The following C5orf58 variants were observed in gnomAD, a reference collection of about 807,000 sequenced individuals.
The protein encoded by C5orf58 is putative uncharacterized protein C5orf58.
In C5orf58, 2 loss-of-function variants were observed where a neutral mutation model predicts 2.9. The ratio of observed to expected loss-of-function variants is 0.69; its 90% CI spans 0.28 to 2.18. The LOEUF (loss-of-function observed/expected upper bound fraction) is 2.18, where lower values mean the gene tolerates loss of function less well. Among genes scored for constraint, C5orf58 ranks in the 30% most tolerant of loss-of-function variants. C5orf58 has a pLI of 0.13. For synonymous variants in C5orf58, 37 were observed against 33.4 expected, an observed-to-expected ratio of 1.11 and a Z score of -0.37; for missense variants, 96 against 91.7, an observed-to-expected ratio of 1.05 and a Z score of -0.19.
Position 170,235,071 on chromosome 5 carries a change from G to GT in C5orf58, c.94+2dup. On this transcript the variant is annotated splice_donor_variant, in intron 3 of 3. Coordinates refer to ENST00000593851, the MANE Select transcript of C5orf58 (RefSeq NM_001102609.3). LOFTEE classifies it high-confidence loss of function. ...TCTTCGGAGTTGAAGAAGATAAAAG[G>GT]TAAGTATTGAATCACTAAAATGTTT... 1 of 1,375,514 alleles carries GT rather than the reference G, an allele frequency of 7.3e-7. No homozygotes were observed. The highest frequency in any genetic ancestry group is 1.0e-6 in the Non-Finnish European group (1 of 984,104). The allele number at this position is 1,375,514 out of a possible 1,614,324, so 85.2% of individuals were successfully genotyped here.
intron 3 of C5orf58, among the ~76,000 whole-genome samples, chr5:170,235,628 C>A (rs1760710725): frequency 6.6e-6 from 1 of 152,210 alleles, no homozygotes; most frequent in Non-Finnish European, 1.5e-5. Context: ...TGCTGGGGAA[C>A]TTCCTGTCTC....
chr5:170,235,072 TA>T lies in C5orf58; in HGVS notation c.94+4del. ...CTTCGGAGTTGAAGAAGATAAAAGG[TA>T]AGTATTGAATCACTAAAATGTTTGC... On this transcript the variant is annotated splice_donor_region_variant and intron_variant, in intron 3 of 3. Transcript: ENST00000593851. The T allele has an allele frequency of 7.3e-7, 1 of 1,367,394 alleles. No homozygotes were observed. Among genetic ancestry groups the T allele is most frequent in the Non-Finnish European group, 1.0e-6 (1 of 977,100 alleles). The allele number at this position is 1,367,394 out of a possible 1,614,324, so 84.7% of individuals were successfully genotyped here.
chr5:170,250,702 G>A (rs1389294128), downstream of C5orf58: 1 of 1,599,094 alleles, frequency 6.3e-7, no homozygotes, highest in South Asian at 1.1e-5. Context: ...AAAGACTTTG[G>A]GAAAATGTCG....
At chr5:170,247,516 A>G (rs1355934089), downstream of C5orf58, 2 of 152,274 alleles carry the variant, frequency 1.3e-5, no homozygotes, top group Non-Finnish European at 2.9e-5. Flanking sequence ...AAGTTGTGCA[A>G]TAACAACCAA....
At chr5:170,250,712 G>A (rs368014717), downstream of C5orf58, 103 of 1,608,490 alleles carry the variant, frequency 6.4e-5, no homozygotes, top group Middle Eastern at 1.6e-4. Flanking sequence ...GGAAAATGTC[G>A]AAATTTGAAA....
chr5:170,234,929 AC>A (rs1381210799), intron 2 of C5orf58, 47 bp from the exon 3 acceptor site: 1 of 753,242 alleles, frequency 1.3e-6, no homozygotes, highest in African/African-American at 1.8e-5. Context: ...TTAAAAGTAC[AC>A]ATAAATACTG....
chr5:170,240,819 C>T (rs1760971030), intron 3 of C5orf58, among the ~76,000 whole-genome samples: 1 of 151,524 alleles, frequency 6.6e-6, no homozygotes, highest in African/African-American at 2.4e-5. Flanking sequence ...GTTGCCATTG[C>T]TTTTGGTGTT....
exon 3 of C5orf58, chr5:170,251,686 T>A: frequency 2.2e-6 from 1 of 455,990 alleles, no homozygotes; most frequent in South Asian, 1.5e-5. Flanking sequence ...TAAACAAACA[T>A]ACTTCTGGAC....
downstream of C5orf58, among the ~76,000 whole-genome samples, chr5:170,249,357 C>G (rs1033255297): frequency 9.6e-6 from 1 of 104,558 alleles, no homozygotes. Context: ...TATGTGCATG[C>G]GTGTGTATAT....
downstream of C5orf58, chr5:170,248,450 G>A: frequency 8.2e-6 from 3 of 365,210 alleles, no homozygotes; most frequent in South Asian, 8.8e-5. Context: ...AATTATTACA[G>A]TGCACTACTA....
chr5:170,242,172 C>T (rs1306673398), intron 3 of C5orf58, among the ~76,000 whole-genome samples: 2 of 150,938 alleles, frequency 1.3e-5, no homozygotes, highest in East Asian at 1.9e-4. Context: ...CTGCTGGATT[C>T]GTTTTGCCAG....
At position 170,246,079 on chromosome 5, in the gene C5orf58, A is replaced by T. The variant is rs1358241392; in HGVS notation, c.212A>T (p.Asp71Val). The stretch of plus-strand genomic sequence containing the variant: ...CTCTTTGAAGAGTCTAAAATATCAG[A>T]TGTATCCCTTGTTTCTAACAGTTTT... ...NPLFEESKIS[D>V]VSLVSNSFSI Residue 71 changes from aspartate to valine, a missense_variant, in exon 4 of 4, where the codon GAT (aspartate) becomes GTT (valine). Transcript: ENST00000593851. 1 of 1,612,982 alleles carries T rather than the reference A, an allele frequency of 6.2e-7. No homozygotes were observed. Among genetic ancestry groups the T allele is most frequent in the Admixed American group, 1.7e-5 (1 of 59,912 alleles).
At chr5:170,247,677 C>T (rs1761328910), downstream of C5orf58, 1 of 152,144 alleles carries the variant, frequency 6.6e-6, no homozygotes, top group African/African-American at 2.4e-5. Context: ...CTTATACAGC[C>T]TGTTTGGGAA....
chr5:170,238,545 A>T (rs1760837471), intron 3 of C5orf58, among the ~76,000 whole-genome samples: 2 of 152,198 alleles, frequency 1.3e-5, no homozygotes, highest in East Asian at 3.8e-4. Context: ...TTCATTAAAG[A>T]AATAAAGAAA....
At chr5:170,243,866 C>T (rs976648902) in intron 3 of C5orf58, among the ~76,000 whole-genome samples, 6 of 147,566 alleles carry the variant, frequency 4.1e-5, no homozygotes, top group African/African-American at 1.5e-4. Context: ...GCAGTTTCTT[C>T]CTAGTCTCGA....
intron 1 of C5orf58, chr5:170,233,804 C>T (rs542477315): frequency 7.9e-5 from 24 of 305,254 alleles, no homozygotes; most frequent in African/African-American, 4.5e-4. Context: ...TTGTGTAGCA[C>T]CCCACTGTGC....
At chr5:170,243,051 G>C (rs1395008312) in intron 3 of C5orf58, among the ~76,000 whole-genome samples, 1 of 149,206 alleles carries the variant, frequency 6.7e-6, no homozygotes, top group Admixed American at 6.7e-5. Context: ...TAGTCATTCA[G>C]GAGCAGGTTG....
chr5:170,245,628 G>A lies in C5orf58; in HGVS notation c.95-334G>A, dbSNP rs538724431. Among the ~76,000 whole-genome samples the A allele has an allele frequency of 4.6e-5, 7 of 152,242 alleles. No homozygotes were observed. The South Asian group carries it at 1.0e-3, about 23-fold the overall frequency. ...GTGAGGCAATGCCTCGCCCTGCTTC[G>A]GCTCGCACACCGTGCGCGCACCCAC... is the stretch of plus-strand genomic sequence containing the variant. On this transcript the variant is annotated intron_variant, in intron 3 of 3. Transcript: ENST00000593851.
At chr5:170,235,137 G>A in intron 3 of C5orf58, 67 bp downstream of exon 3, 1 of 825,156 alleles carries the variant, frequency 1.2e-6, no homozygotes, top group Non-Finnish European at 1.9e-6. Flanking sequence ...GCCAGTTTGT[G>A]TTTCTGCTGG....
Sources: gnomAD v4.1 joint callset for allele counts (sites outside exome capture counted in the v4.1 genomes callset) on GRCh38, gnomAD v4.1.1 for gene constraint, MANE v1.5 for transcripts, NCBI Gene and HGNC (gene_info 2026-07-23, HGNC 2026-07-21) for gene names.